SYTL2: variants seen among roughly 807,000 people sequenced by gnomAD.
SYTL2 encodes synaptotagmin like 2.
In SYTL2, 165 loss-of-function variants were observed where a neutral mutation model predicts 198.7. The observed-to-expected ratio is 0.83, with a 90% CI of 0.73 to 0.94. The LOEUF (loss-of-function observed/expected upper bound fraction) is 0.94, where lower values mean the gene tolerates loss of function less well. Ranked by LOEUF, SYTL2 falls within the 40% of genes least tolerant of loss-of-function variation. SYTL2 has a pLI of 0.00. For synonymous variants in SYTL2, 966 were observed against 917.7 expected, an observed-to-expected ratio of 1.05 and a Z score of -0.95; for missense variants, 2,835 against 2,582.8, an observed-to-expected ratio of 1.10 and a Z score of -2.12.
rs1187102250 is a variant in SYTL2 at position 85,694,359 on chromosome 11, G to A, written c.*836C>T. 6.6e-6 allele frequency: 1 copy of A among 152,142 alleles called. No individual in the cohort carries two copies. Among genetic ancestry groups the A allele is most frequent in the Non-Finnish European group, 1.5e-5 (1 of 68,024 alleles). 9.4% of individuals were successfully genotyped at this position (152,142 alleles called of 1,614,324 possible). On this transcript the variant is annotated 3_prime_UTR_variant, in exon 20 of 20. Transcript: ENST00000359152. ...AAATTTTACATACATAAGAAGAACAGTATAACTGAGCAACTTACATTCTAA... is the reference window on the plus strand; with the variant it reads ...AAATTTTACATACATAAGAAGAACAATATAACTGAGCAACTTACATTCTAA...
chr11:85,727,472 C>T lies in SYTL2; in HGVS notation c.1886G>A (p.Gly629Asp). The change falls in exon 8 of 20, where the codon GGT (glycine) becomes GAT (aspartate). Residue 629 changes from glycine to aspartate, a missense_variant. By Grantham distance (94) the Gly-to-Asp change is moderately conservative. Transcript: ENST00000359152. ...ATAGCTTTCAAATGGTTGCAATATA[C>T]CTGGGCCTTCCTTTGGGGTGCCTTT... Reference protein sequence around the residue: ...SQKGTPKEGPGILQPFESYGT... With the variant: ...SQKGTPKEGPDILQPFESYGT... The T allele has an allele frequency of 1.3e-6, 2 of 1,536,054 alleles. No homozygotes were observed. Among genetic ancestry groups the T allele is most frequent in the Non-Finnish European group, 1.7e-6 (2 of 1,146,858 alleles).
In SYTL2 at chr11:85,700,515, C is replaced by T; in HGVS notation, c.6268G>A (p.Gly2090Ser). The T allele has an allele frequency of 1.2e-6, 2 of 1,611,108 alleles. No individual in the cohort carries two copies. The highest frequency in any genetic ancestry group is 1.7e-4 in the Middle Eastern group (1 of 6,054). Reference sequence around the variant, plus strand: ...ATCTGAATAGAAAGTCATTACATACCAGGGACTGGCTCTGGGACATACTGG... The same window carrying T: ...ATCTGAATAGAAAGTCATTACATACTAGGGACTGGCTCTGGGACATACTGG... ...ALQYVPEPVP[G>S]KKLPTTGEVH... is the part of the protein sequence containing the mutation. Residue 2090 changes from glycine (G) to serine (S), a missense_variant and splice_region_variant, in exon 17 of 20, where the codon GGT becomes AGT. Gly to Ser is a moderately conservative substitution (Grantham distance 56, BLOSUM62 0). Coordinates refer to ENST00000359152, the MANE Select transcript of SYTL2 (RefSeq NM_206927.4).
At chr11:85,818,725 C>G in the SYTL2 span, among the ~76,000 whole-genome samples, 2 of 150,716 alleles carry the variant, frequency 1.3e-5, no homozygotes, top group South Asian at 2.1e-4. Flanking sequence ...CGGTCTCGCT[C>G]TATCACCCAG....
At chr11:85,805,767 C>A (rs1327005345) in intron 1 of SYTL2, among the ~76,000 whole-genome samples, 1 of 152,174 alleles carries the variant, frequency 6.6e-6, no homozygotes, top group Admixed American at 6.5e-5. Context: ...TTTCTTTCCC[C>A]CTCTAACTCA....
intron 1 of SYTL2, among the ~76,000 whole-genome samples, chr11:85,780,047 G>A (rs1407801476): frequency 1.3e-5 from 2 of 152,188 alleles, no homozygotes; most frequent in Admixed American, 6.5e-5. Flanking sequence ...TCCTTCTGAC[G>A]ATAAAATGCT....
chr11:85,771,659 T>G (rs1380535479), intron 1 of SYTL2, among the ~76,000 whole-genome samples: 1 of 152,182 alleles, frequency 6.6e-6, no homozygotes, highest in East Asian at 1.9e-4. Flanking sequence ...CGCAGTCTAG[T>G]TGGCAGTGTC....
chr11:85,825,265 G>C, the SYTL2 span, among the ~76,000 whole-genome samples: 1 of 151,046 alleles, frequency 6.6e-6, no homozygotes, highest in Non-Finnish European at 1.5e-5. Context: ...GCGGGCGCCT[G>C]TAGTCCCAGC....
the SYTL2 span, among the ~76,000 whole-genome samples, chr11:85,837,801 G>T: frequency 1.3e-5 from 2 of 152,106 alleles, no homozygotes; most frequent in African/African-American, 4.8e-5. Context: ...AATAATGATG[G>T]AGCACTTTAC....
chr11:85,850,728 T>C, the SYTL2 span, among the ~76,000 whole-genome samples: 1 of 150,798 alleles, frequency 6.6e-6, no homozygotes, highest in Non-Finnish European at 1.5e-5. Flanking sequence ...CATGCACACG[T>C]ATGTTTATTG....
In SYTL2 at chr11:85,734,092, A is replaced by C; in HGVS notation, c.1237T>G (p.Ser413Ala). The change falls in exon 7 of 20, where the codon TCT (serine) becomes GCT (alanine). Residue 413 changes from serine to alanine, a missense_variant. Ser to Ala is a moderately conservative substitution (Grantham distance 99). Transcript: ENST00000359152. ...SKSETHQPMTSGSFPINGLHS... is the reference protein window; with the variant it reads ...SKSETHQPMTAGSFPINGLHS... ...AGCCCATTAATTGGAAAAGAACCAG[A>C]AGTCATTGGCTGATGTGTTTCACTT... 6.2e-7 allele frequency: 1 copy of C among 1,614,194 alleles called. No homozygotes were observed.
At chr11:85,736,277 G>T (rs983896137) in intron 6 of SYTL2, among the ~76,000 whole-genome samples, 1 of 152,176 alleles carries the variant, frequency 6.6e-6, no homozygotes, top group African/African-American at 2.4e-5. Context: ...TGGAAGTCAC[G>T]TAACAAGTCA....
chr11:85,726,927 C>T lies in SYTL2; in HGVS notation c.2431G>A (p.Glu811Lys), dbSNP rs2153469299. Residue 811 changes from glutamate to lysine, a missense_variant, in exon 8 of 20, where the codon GAA becomes AAA. Physicochemically the swap from Glu to Lys is moderately conservative, Grantham distance 56. Transcript: ENST00000359152. ...GEKAGAKITH[E>K]KPTSSCSQEQ... is the part of the protein sequence containing the mutation. ...TGGCTACATGAAGATGTGGGTTTTT[C>T]ATGAGTTATCTTAGCACCAGCTTTC... The T allele has an allele frequency of 6.5e-7, 1 of 1,536,364 alleles. No homozygotes were observed. The highest frequency in any genetic ancestry group is 1.2e-5 in the South Asian group (1 of 83,938).
rs751274008 is a variant in SYTL2 at position 85,725,929 on chromosome 11, G to C, written c.3429C>G (p.Thr1143=). 3 of 1,614,116 alleles carry C rather than the reference G, an allele frequency of 1.9e-6. No homozygotes were observed. In the East Asian group the frequency reaches 6.7e-5, roughly 36 times the overall value. Residue 1143 remains threonine, a synonymous_variant, in exon 8 of 20, where the codon ACC becomes ACG. Transcript: ENST00000359152. ...NDSLQKLLSE[T]STPAIQPSGG... is the part of the protein sequence containing the mutation. ...CAGAGGGTTGAATTGCTGGTGTTGA[G>C]GTTTCTGAAAGCAGTTTCTGCAAGC...
chr11:85,784,780 G>T (rs2092611027), intron 1 of SYTL2, among the ~76,000 whole-genome samples: 1 of 151,836 alleles, frequency 6.6e-6, no homozygotes, highest in African/African-American at 2.4e-5. Context: ...CACACGCAAA[G>T]AATTATACAA....
chr11:85,818,701 T>C, the SYTL2 span, among the ~76,000 whole-genome samples: 1 of 112,624 alleles, frequency 8.9e-6, no homozygotes, highest in African/African-American at 3.5e-5. Context: ...ACCTATCTAT[T>C]TATTTATTTA....
chr11:85,787,695 C>CCTTTTTTTTTTTTTTTTT (rs1566023900), intron 1 of SYTL2, among the ~76,000 whole-genome samples: 3 of 102,692 alleles, frequency 2.9e-5, no homozygotes, highest in Admixed American at 2.2e-4. Flanking sequence ...GTTTTTTTTT[C>CCTTTTTTTTTTTTTTTTT]TTTTCCTTTT....
chr11:85,768,954 G>A (rs924049371), intron 1 of SYTL2, among the ~76,000 whole-genome samples: 1 of 152,104 alleles, frequency 6.6e-6, no homozygotes, highest in Non-Finnish European at 1.5e-5. Context: ...GCAGTGGGCA[G>A]AAAGGCTTTG....
At chr11:85,825,244 C>T in the SYTL2 span, among the ~76,000 whole-genome samples, 1 of 151,782 alleles carries the variant, frequency 6.6e-6, no homozygotes, top group African/African-American at 2.4e-5. Context: ...AAAAATTAGC[C>T]GGGCGTAGTG....
intron 15 of SYTL2, among the ~76,000 whole-genome samples, chr11:85,706,931 C>G (rs1022796747): frequency 6.6e-6 from 1 of 152,108 alleles, no homozygotes; most frequent in African/African-American, 2.4e-5. Flanking sequence ...ACCTCCGCCT[C>G]CCTGGTTCAA....
Sources: gnomAD v4.1 joint callset for allele counts (sites outside exome capture counted in the v4.1 genomes callset) on GRCh38, gnomAD v4.1.1 for gene constraint, MANE v1.5 for transcripts, NCBI Gene and HGNC (gene_info 2026-07-23, HGNC 2026-07-21) for gene names.